The following SPDEF variants were observed in gnomAD, a reference collection of about 807,000 sequenced individuals.
SPDEF encodes SAM pointed domain containing ETS transcription factor.
In SPDEF, 12 loss-of-function variants were observed where a neutral mutation model predicts 36.0. The ratio of observed to expected loss-of-function variants is 0.33; its 90% confidence interval spans 0.21 to 0.54. The LOEUF is 0.54. Ranked by LOEUF, SPDEF falls within the 20% of genes least tolerant of loss-of-function variation. SPDEF has a pLI of 0.93. For synonymous variants in SPDEF, 205 were observed against 193.0 expected, an observed-to-expected ratio of 1.06 and a Z score of -0.51; for missense variants, 388 against 456.9, an observed-to-expected ratio of 0.85 and a Z score of 1.37.
In SPDEF at chr6:34,538,749, G is replaced by T. The variant is rs1383953182; in HGVS notation, c.830-297C>A. Among the ~76,000 whole-genome samples, 9 of 152,166 alleles carry T rather than the reference G, an allele frequency of 5.9e-5. No individual in the cohort carries two copies. The highest frequency in any genetic ancestry group is 1.3e-4 in the Non-Finnish European group (9 of 68,012). On this transcript the variant is annotated intron_variant, in intron 5 of 5. Transcript: ENST00000374037. The surrounding 1 kb of genome is among the most constrained non-coding windows in gnomAD (Gnocchi z 5.9). ...CCTGTGTACCTTAGTGGGTTCCCTG[G>T]GGCCCTGCAGGCCTGGCCCTTGCCA...
At chr6:34,540,282 A>AGAG (rs1767789089) in intron 3 of SPDEF, among the ~76,000 whole-genome samples, 1 of 152,178 alleles carries the variant, frequency 6.6e-6, no homozygotes. Context: ...CCTGGGCAAT[A>AGAG]GAGTGAGACC....
chr6:34,550,104 G>A (rs1768028392), intron 1 of SPDEF, among the ~76,000 whole-genome samples: 1 of 152,196 alleles, frequency 6.6e-6, no homozygotes, highest in Non-Finnish European at 1.5e-5. Context: ...CCAAAGCCAT[G>A]ACCAGGCCCA....
At position 34,544,190 on chromosome 6, in the gene SPDEF, T is replaced by C; in HGVS notation, c.266A>G (p.Glu89Gly). Residue 89 changes from glutamate (E) to glycine (G), a missense_variant, in exon 2 of 6, where the codon GAG (glutamate) becomes GGG (glycine). Glu to Gly is a moderately conservative substitution (Grantham distance 98, BLOSUM62 -2). Transcript: ENST00000374037. This position sits in a 1 kb window ranked among gnomAD's most constrained non-coding sequence, Gnocchi z 4.4. Reference protein sequence around the residue: ...GASSREEPPEEPEQCPVIDSQ... With the variant: ...GASSREEPPEGPEQCPVIDSQ... The stretch of plus-strand genomic sequence containing the variant: ...GTCAATGACCGGGCACTGCTCAGGC[T>C]CCTCAGGTGGCTCCTCCCGACTGCT... 6.2e-7 allele frequency: 1 copy of C among 1,613,862 alleles called. No individual in the cohort carries two copies. Among genetic ancestry groups the C allele is most frequent in the Non-Finnish European group, 8.5e-7 (1 of 1,179,946 alleles).
chr6:34,546,964 T>C (rs943803398), intron 1 of SPDEF, among the ~76,000 whole-genome samples: 42 of 151,634 alleles, frequency 2.8e-4, no homozygotes, highest in African/African-American at 1.0e-3. Flanking sequence ...GCCCATGCCC[T>C]ACCCGCTAGG....
At position 34,538,101 on chromosome 6, in the gene SPDEF, C is replaced by T; in HGVS notation, c.*173G>A. ...CCCCTGCCCCAGGGTCCCGAAGGCC[C>T]CAGAGGACCCATATCCCCCTGGGGC... On this transcript the variant is annotated 3_prime_UTR_variant, in exon 6 of 6. Coordinates refer to ENST00000374037, the MANE Select transcript of SPDEF (RefSeq NM_012391.3). This position sits in a 1 kb window ranked among gnomAD's most constrained non-coding sequence, Gnocchi z 5.9. 4.6e-6 allele frequency: 3 copies of T among 650,446 alleles called. No individual in the cohort carries two copies. The highest frequency in any genetic ancestry group is 1.8e-5 in the African/African-American group (1 of 54,938). 40.3% of individuals were successfully genotyped at this position (650,446 alleles called of 1,614,324 possible). A position where few individuals can be genotyped will look rare whatever the true frequency, so the allele number is the denominator to read the frequency against.
rs1017930417 is a variant in SPDEF, at chr6:34,544,565, G to A, written c.-29-81C>T. 4 of 1,195,836 alleles carry A rather than the reference G, an allele frequency of 3.3e-6. No homozygotes were observed. The African/African-American group carries it at 6.2e-5, about 18-fold the overall frequency. 74.1% of individuals were successfully genotyped at this position (1,195,836 alleles called of 1,614,324 possible). A position where few individuals can be genotyped will look rare whatever the true frequency, so the allele number is the denominator to read the frequency against. On this transcript the variant is annotated intron_variant, in intron 1 of 5. Transcript: ENST00000374037. The surrounding 1 kb of genome is among the most constrained non-coding windows in gnomAD (Gnocchi z 4.4). The stretch of plus-strand genomic sequence containing the variant: ...GCTAAGCTGGTTATGGGGATGAGGG[G>A]CCCTGTGGACAGTGGGCTGGGCCTG...
At chr6:34,549,108 C>T (rs1483882253) in intron 1 of SPDEF, among the ~76,000 whole-genome samples, 2 of 152,216 alleles carry the variant, frequency 1.3e-5, no homozygotes, top group African/African-American at 2.4e-5. Context: ...CACGGGCTGC[C>T]GTCTCCTGAG....
intron 1 of SPDEF, among the ~76,000 whole-genome samples, chr6:34,549,884 C>T (rs1768024713): frequency 6.6e-6 from 1 of 152,214 alleles, no homozygotes. Flanking sequence ...CCTCCTCTGG[C>T]TTTCCCATGT....
chr6:34,549,759 C>G (rs1275447661), intron 1 of SPDEF, among the ~76,000 whole-genome samples: 2 of 152,216 alleles, frequency 1.3e-5, no homozygotes, highest in Non-Finnish European at 2.9e-5. Context: ...AAGACCCCAG[C>G]TTTAGTCCCC....
rs1767753667 is a variant in SPDEF, at chr6:34,538,970, T to C, written c.829+280A>G. On this transcript the variant is annotated intron_variant, in intron 5 of 5. Coordinates refer to ENST00000374037, the MANE Select transcript of SPDEF (RefSeq NM_012391.3). This position sits in a 1 kb window ranked among gnomAD's most constrained non-coding sequence, Gnocchi z 5.9. Reference sequence around the variant, plus strand: ...CCCTCTCTGGCAGGATTAATTAATATGAGATGGTGGAGGGAGAGTGGATTT... The same window carrying C: ...CCCTCTCTGGCAGGATTAATTAATACGAGATGGTGGAGGGAGAGTGGATTT... 6.6e-6 allele frequency among the ~76,000 whole-genome samples: 1 copy of C among 152,174 alleles called. No homozygotes were observed. Among genetic ancestry groups the C allele is most frequent in the Non-Finnish European group, 1.5e-5 (1 of 68,024 alleles).
intron 1 of SPDEF, among the ~76,000 whole-genome samples, chr6:34,548,898 G>T (rs1365391905): frequency 6.6e-6 from 1 of 152,188 alleles, no homozygotes; most frequent in African/African-American, 2.4e-5. Flanking sequence ...GGACACATGT[G>T]CACTGGAAAA....
intron 1 of SPDEF, among the ~76,000 whole-genome samples, chr6:34,547,082 T>C (rs1251865661): frequency 6.8e-6 from 1 of 147,928 alleles, no homozygotes; most frequent in Non-Finnish European, 1.5e-5. Flanking sequence ...GCCTGCCACG[T>C]TAGGACAGTC....
intron 1 of SPDEF, among the ~76,000 whole-genome samples, chr6:34,548,550 T>A (rs1418542313): frequency 2.0e-5 from 3 of 152,136 alleles, no homozygotes; most frequent in Non-Finnish European, 4.4e-5. Flanking sequence ...GGCCATATAT[T>A]ATGTGATTGT....
In SPDEF at chr6:34,544,235, G is replaced by A. The variant is rs1378247620; in HGVS notation, c.221C>T (p.Ala74Val). ...ACTGCTGGCCCCAGGGGCCTTGGCT[G>A]CCCAGCTGCTGTCCTCAGGGTACAG... Reference protein sequence around the residue: ...DMLYPEDSSWAAKAPGASSRE... With the variant: ...DMLYPEDSSWVAKAPGASSRE... Residue 74 changes from alanine to valine, a missense_variant, in exon 2 of 6, where the codon GCA (alanine) becomes GTA (valine). Coordinates refer to ENST00000374037, the MANE Select transcript of SPDEF (RefSeq NM_012391.3). The surrounding 1 kb of genome is among the most constrained non-coding windows in gnomAD (Gnocchi z 4.4). 1.2e-6 allele frequency: 2 copies of A among 1,613,820 alleles called. No individual in the cohort carries two copies. Among genetic ancestry groups the A allele is most frequent in the Admixed American group, 3.3e-5 (2 of 60,008 alleles).
In SPDEF at chr6:34,544,279, G is replaced by A. The variant is rs1307601192; in HGVS notation, c.177C>T (p.Tyr59=). 1 of 1,613,528 alleles carries A rather than the reference G, an allele frequency of 6.2e-7. No homozygotes were observed. Among genetic ancestry groups the A allele is most frequent in the Non-Finnish European group, 8.5e-7 (1 of 1,179,940 alleles). The part of the protein sequence containing the change: ...ATPEQGLSAF[Y]LSYFDMLYPE... ...GGTACAGCATGTCAAAGTAGGAGAGGTAGAAGGCGGACAGGCCCTGCTCGG... is the reference window on the plus strand; with the variant it reads ...GGTACAGCATGTCAAAGTAGGAGAGATAGAAGGCGGACAGGCCCTGCTCGG... Residue 59 remains tyrosine (Y), a synonymous_variant, in exon 2 of 6, where the codon TAC becomes TAT. Coordinates refer to ENST00000374037, the MANE Select transcript of SPDEF (RefSeq NM_012391.3). The surrounding 1 kb of genome is among the most constrained non-coding windows in gnomAD (Gnocchi z 4.4).
chr6:34,542,718 C>T (rs538054464), intron 2 of SPDEF, among the ~76,000 whole-genome samples: 8 of 151,896 alleles, frequency 5.3e-5, no homozygotes, highest in African/African-American at 1.4e-4. Flanking sequence ...GTGAAAACTC[C>T]GTCTCTACTA....
rs1359048841 is a variant in SPDEF, at chr6:34,539,370, C to A, written c.709G>T (p.Asp237Tyr). 5 of 1,613,796 alleles carry A rather than the reference C, an allele frequency of 3.1e-6. No individual in the cohort carries two copies. The highest frequency in any genetic ancestry group is 4.5e-5 in the East Asian group (2 of 44,884). Residue 237 changes from aspartate to tyrosine, a missense_variant, in exon 5 of 6, where the codon GAC becomes TAC. Physicochemically the swap from Asp to Tyr is radical, Grantham distance 160. Coordinates refer to ENST00000374037, the MANE Select transcript of SPDEF (RefSeq NM_012391.3). This position sits in a 1 kb window ranked among gnomAD's most constrained non-coding sequence, Gnocchi z 5.2. Reference protein sequence around the residue: ...CASTSEESWTDSEVDSSCSGQ... With the variant: ...CASTSEESWTYSEVDSSCSGQ... ...GAGCATGATGAGTCCACCTCGCTGT[C>A]GGTCCAGCTCTCCTCACTGGTCGAG...
intron 1 of SPDEF, among the ~76,000 whole-genome samples, chr6:34,547,183 C>T (rs1767973217): frequency 6.6e-6 from 1 of 152,140 alleles, no homozygotes; most frequent in Non-Finnish European, 1.5e-5. Flanking sequence ...GTTTGCTTGG[C>T]CTCAGCCACA....
At position 34,544,128 on chromosome 6, in the gene SPDEF, C is replaced by A. The variant is rs375958045; in HGVS notation, c.328G>T (p.Gly110Cys). ...GAGTGCTCCTCCAAGGTCAGCCCGC[C>A]GGGCACCAAGTCCAGGCTGCCCGCT... ...APAGSLDLVPGGLTLEEHSLE... is the reference protein window; with the variant it reads ...APAGSLDLVPCGLTLEEHSLE... The change falls in exon 2 of 6, where the codon GGC becomes TGC. Residue 110 changes from glycine to cysteine, a missense_variant. Physicochemically the swap from Gly to Cys is radical, Grantham distance 159. This residue lies in a region of SPDEF where 308 missense variants were observed against 326.1 expected (regional missense o/e 0.94). Transcript: ENST00000374037. This position sits in a 1 kb window ranked among gnomAD's most constrained non-coding sequence, Gnocchi z 4.4. 1.2e-6 allele frequency: 2 copies of A among 1,613,852 alleles called. No individual in the cohort carries two copies. Among genetic ancestry groups the A allele is most frequent in the East Asian group, 4.5e-5 (2 of 44,880 alleles).
Sources: gnomAD v4.1 joint callset for allele counts (sites outside exome capture counted in the v4.1 genomes callset) on GRCh38, gnomAD v4.1.1 for gene constraint, gnomAD v4.1.1 regional missense constraint, Gnocchi (gnomAD v3.1) non-coding constraint, MANE v1.5 for transcripts, NCBI Gene and HGNC (gene_info 2026-07-23, HGNC 2026-07-21) for gene names.